CARD6: variants seen among roughly 807,000 people sequenced by gnomAD.
CARD6 encodes the protein caspase recruitment domain-containing protein 6.
In CARD6, 27 loss-of-function variants were observed where a neutral mutation model predicts 23.6. That is an observed-to-expected ratio of 1.14 (90% CI 0.84 to 1.58). CARD6 has a LOEUF of 1.58. Ranked by LOEUF, CARD6 falls within the 40% of genes most tolerant of loss-of-function variation. The probability of loss-of-function intolerance (pLI) is 0.00; values close to 1 mark genes in which losing one functional copy is unlikely to be tolerated. For synonymous variants in CARD6, 397 were observed against 431.8 expected, an observed-to-expected ratio of 0.92 and a Z score of 1.00; for missense variants, 1,214 against 1,209.9, an observed-to-expected ratio of 1.00 and a Z score of -0.05.
chr5:40,850,604 C>T lies in CARD6; in HGVS notation c.842-1570C>T, dbSNP rs574738463. Reference sequence around the variant, plus strand: ...GGGTGTGACGGCGGGCGCCTGTAGTCCCAGCTACTCGGGAGGGTGAGACAG... The same window carrying T: ...GGGTGTGACGGCGGGCGCCTGTAGTTCCAGCTACTCGGGAGGGTGAGACAG... On this transcript the variant is annotated intron_variant, in intron 2 of 2. Transcript: ENST00000254691. Among the ~76,000 whole-genome samples the T allele has an allele frequency of 4.8e-3, 721 of 148,758 alleles. 2 individuals are homozygous for T. Among genetic ancestry groups the T allele is most frequent in the Non-Finnish European group, 7.3e-3 (492 of 67,284 alleles).
intron 2 of CARD6, among the ~76,000 whole-genome samples, chr5:40,847,295 C>T (rs1745981809): frequency 6.6e-6 from 1 of 152,198 alleles, no homozygotes; most frequent in South Asian, 2.1e-4. Context: ...CTCAGAAAGG[C>T]TTAAACTATT....
Position 40,853,066 on chromosome 5 carries a change from A to G in CARD6, c.1734A>G (p.Arg578=), listed in dbSNP as rs1746104783. The change falls in exon 3 of 3, where the codon AGA becomes AGG. Residue 578 remains arginine (R), a synonymous_variant. Coordinates refer to ENST00000254691, the MANE Select transcript of CARD6 (RefSeq NM_032587.4). ...TTTTAGGAGAGGCTGCCATTGAAAG[A>G]TGCTACTTTGTTCTCAGTTCCCAAG... ...LMFLGEAAIE[R]CYFVLSSQAR... is the part of the protein sequence containing the mutation. 6.2e-7 allele frequency: 1 copy of G among 1,614,118 alleles called. No individual in the cohort carries two copies. Among genetic ancestry groups the G allele is most frequent in the African/African-American group, 1.3e-5 (1 of 75,028 alleles).
rs1262455211 is a variant in CARD6, at chr5:40,853,000, C to CACTG, written c.1673_1676dup (p.Cys559Ter). The CACTG allele has an allele frequency of 1.9e-6, 3 of 1,613,948 alleles. No individual in the cohort carries two copies. Among genetic ancestry groups the CACTG allele is most frequent in the Non-Finnish European group, 1.7e-6 (2 of 1,179,914 alleles). Reference sequence around the variant, plus strand: ...AAGTTTCTTCAGCTGTGTTTTTTTTCACTGACTGTTTAGGTGAGAAGGAAT... The same window carrying CACTG: ...AAGTTTCTTCAGCTGTGTTTTTTTTCACTGACTGACTGTTTAGGTGAGAAGGAAT... On this transcript the variant is annotated frameshift_variant, in exon 3 of 3. Transcript: ENST00000254691. LOFTEE classifies it low-confidence loss of function (END_TRUNC).
chr5:40,844,160 T>C (rs890016137), intron 2 of CARD6, among the ~76,000 whole-genome samples: 1 of 152,212 alleles, frequency 6.6e-6, no homozygotes, highest in African/African-American at 2.4e-5. Context: ...TCCCAAAATA[T>C]TGTTACTTGG....
chr5:40,846,535 C>T (rs1745970865), intron 2 of CARD6, among the ~76,000 whole-genome samples: 2 of 152,082 alleles, frequency 1.3e-5, no homozygotes, highest in Admixed American at 1.3e-4. Context: ...TTCAGGAGGC[C>T]AGAAGCCTGA....
Position 40,843,367 on chromosome 5 carries a change from A to G in CARD6, c.499A>G (p.Lys167Glu). The change falls in exon 2 of 3, where the codon AAG becomes GAG. Residue 167 changes from lysine (K) to glutamate (E), a missense_variant. Transcript: ENST00000254691. ...ETALSARKNE[K>E]EYDTPEVTLS... ...AGCTTTGTCTGCCAGGAAGAATGAG[A>G]AGGAATATGACACACCAGAAGTCAC... is the stretch of plus-strand genomic sequence containing the variant. The G allele has an allele frequency of 6.2e-7, 1 of 1,614,132 alleles. No individual in the cohort carries two copies. Among genetic ancestry groups the G allele is most frequent in the Non-Finnish European group, 8.5e-7 (1 of 1,179,986 alleles).
At position 40,854,596 on chromosome 5, in the gene CARD6, G is replaced by A. The variant is rs1746157763; in HGVS notation, c.*150G>A. On this transcript the variant is annotated 3_prime_UTR_variant, in exon 3 of 3. Transcript: ENST00000254691. ...ATACATGACTGAATTGGATATCTTT[G>A]TTTGTTTGTTTGAGACAGAGTTTCA... The A allele has an allele frequency of 1.5e-6, 1 of 677,004 alleles. No individual in the cohort carries two copies. The highest frequency in any genetic ancestry group is 2.0e-5 in the South Asian group (1 of 50,430). 41.9% of individuals were successfully genotyped at this position (677,004 alleles called of 1,614,324 possible). A position where few individuals can be genotyped will look rare whatever the true frequency, so the allele number is the denominator to read the frequency against.
chr5:40,843,376 G>T lies in CARD6; in HGVS notation c.508G>T (p.Asp170Tyr). 1.2e-6 allele frequency: 2 copies of T among 1,614,086 alleles called. No individual in the cohort carries two copies. Among genetic ancestry groups the T allele is most frequent in the South Asian group, 2.2e-5 (2 of 91,064 alleles). Residue 170 changes from aspartate (D) to tyrosine (Y), a missense_variant, in exon 2 of 3, where the codon GAC (aspartate) becomes TAC (tyrosine). Asp to Tyr is a radical substitution (Grantham distance 160). Coordinates refer to ENST00000254691, the MANE Select transcript of CARD6 (RefSeq NM_032587.4). ...TGCCAGGAAGAATGAGAAGGAATAT[G>T]ACACACCAGAAGTCACATTATCATA... ...LSARKNEKEYDTPEVTLSYSV... is the reference protein window; with the variant it reads ...LSARKNEKEYYTPEVTLSYSV...
At chr5:40,848,501 C>T (rs1579803071) in intron 2 of CARD6, among the ~76,000 whole-genome samples, 1 of 152,180 alleles carries the variant, frequency 6.6e-6, no homozygotes, top group Non-Finnish European at 1.5e-5. Flanking sequence ...CAGGCATGAG[C>T]CACCATGCCT....
rs148299329 is a variant in CARD6, at chr5:40,843,451, A to G, written c.583A>G (p.Lys195Glu). The G allele has an allele frequency of 2.2e-5, 35 of 1,613,672 alleles. No individual in the cohort carries two copies. The highest frequency in any genetic ancestry group is 1.7e-6 in the Non-Finnish European group (2 of 1,179,942). ...AGTTCCAGCAACTATTACATATATA[A>G]AAGATGGACAGAGATATGAGGAGCT... ...CEVPATITYIKDGQRYEELDD... is the reference protein window; with the variant it reads ...CEVPATITYIEDGQRYEELDD... Residue 195 changes from lysine (K) to glutamate (E), a missense_variant, in exon 2 of 3, where the codon AAA (lysine) becomes GAA (glutamate). By Grantham distance (56) the Lys-to-Glu change is moderately conservative (BLOSUM62 1). Transcript: ENST00000254691.
At position 40,854,138 on chromosome 5, in the gene CARD6, A is replaced by T; in HGVS notation, c.2806A>T (p.Met936Leu). 6.2e-7 allele frequency: 1 copy of T among 1,614,202 alleles called. No individual in the cohort carries two copies. The highest frequency in any genetic ancestry group is 8.5e-7 in the Non-Finnish European group (1 of 1,180,032). The change falls in exon 3 of 3, where the codon ATG (methionine) becomes TTG (leucine). Residue 936 changes from methionine to leucine, a missense_variant. Coordinates refer to ENST00000254691, the MANE Select transcript of CARD6 (RefSeq NM_032587.4). Reference sequence around the variant, plus strand: ...AGCTCTCCAAATAGGGTCCCATCCCATGTGCAAGAGCTCTCAGTTCAAATC... The same window carrying T: ...AGCTCTCCAAATAGGGTCCCATCCCTTGTGCAAGAGCTCTCAGTTCAAATC... ...NPALQIGSHP[M>L]CKSSQFKSDQ...
Position 40,853,644 on chromosome 5 carries a change from T to G in CARD6, c.2312T>G (p.Phe771Cys), listed in dbSNP as rs1325945059. 5 of 1,614,136 alleles carry G rather than the reference T, an allele frequency of 3.1e-6. No individual in the cohort carries two copies. Among genetic ancestry groups the G allele is most frequent in the Non-Finnish European group, 4.2e-6 (5 of 1,180,050 alleles). ...QRPKWFHPLPFQNAGAQGRGK... is the reference protein window; with the variant it reads ...QRPKWFHPLPCQNAGAQGRGK... The stretch of plus-strand genomic sequence containing the variant: ...CCTAAGTGGTTCCATCCTTTGCCTT[T>G]TCAGAATGCAGGGGCCCAGGGCCGA... Residue 771 changes from phenylalanine (F) to cysteine (C), a missense_variant, in exon 3 of 3, where the codon TTT becomes TGT. Physicochemically the swap from Phe to Cys is radical, Grantham distance 205 (BLOSUM62 -2). Coordinates refer to ENST00000254691, the MANE Select transcript of CARD6 (RefSeq NM_032587.4).
rs1342074722 is a variant in CARD6, at chr5:40,855,157, T to C, written c.*711T>C. ...CTGAGAAAGTATCTTAGTTGTTGGC[T>C]GCTCCAGAGGTATCTTTGTCAAAAG... is the stretch of plus-strand genomic sequence containing the variant. On this transcript the variant is annotated 3_prime_UTR_variant, in exon 3 of 3. Transcript: ENST00000254691. 3.9e-5 allele frequency: 6 copies of C among 152,472 alleles called. No homozygotes were observed. Among genetic ancestry groups the C allele is most frequent in the Middle Eastern group, 6.8e-3 (2 of 296 alleles). 9.4% of individuals were successfully genotyped at this position (152,472 alleles called of 1,614,324 possible).
chr5:40,850,743 A>C (rs937673289), intron 2 of CARD6, among the ~76,000 whole-genome samples: 3 of 150,936 alleles, frequency 2.0e-5, no homozygotes, highest in East Asian at 1.9e-4. Flanking sequence ...AAAAAAAAAA[A>C]AAACCAGTAT....
intron 2 of CARD6, among the ~76,000 whole-genome samples, 154 bp downstream of exon 2, chr5:40,843,863 C>T (rs1177415262): frequency 6.6e-6 from 1 of 152,158 alleles, no homozygotes; most frequent in Non-Finnish European, 1.5e-5. Context: ...CTGGAATCTC[C>T]TCGAGGTAGG....
intron 1 of CARD6, among the ~76,000 whole-genome samples, chr5:40,842,455 C>T (rs1745878109): frequency 6.6e-6 from 1 of 152,112 alleles, no homozygotes; most frequent in African/African-American, 2.4e-5. Flanking sequence ...CAAATAGAGC[C>T]ATTTGCTTAC....
In CARD6 at chr5:40,841,445, C is replaced by T; in HGVS notation, c.63C>T (p.Ile21=). The change falls in exon 1 of 3, where the codon ATC becomes ATT. Residue 21 remains isoleucine (I), a synonymous_variant. Coordinates refer to ENST00000254691, the MANE Select transcript of CARD6 (RefSeq NM_032587.4). The part of the protein sequence containing the change: ...IERERKKLLE[I]LQHDPDSILD... ...GAGAAAGAAAAAAGTTGCTTGAAAT[C>T]CTTCAACATGATCCTGATTCTATCT... 1 of 1,613,248 alleles carries T rather than the reference C, an allele frequency of 6.2e-7. No individual in the cohort carries two copies. Among genetic ancestry groups the T allele is most frequent in the East Asian group, 2.2e-5 (1 of 44,832 alleles).
chr5:40,844,252 T>C (rs77805143), intron 2 of CARD6, among the ~76,000 whole-genome samples: 1 of 152,110 alleles, frequency 6.6e-6, no homozygotes, highest in African/African-American at 2.4e-5. Flanking sequence ...TTAAAAAAAA[T>C]TTGTTTTTAA....
chr5:40,849,559 CTGT>C (rs79691308), intron 2 of CARD6, among the ~76,000 whole-genome samples: 27,188 of 152,070 alleles, frequency 0.18, 2,752 homozygotes, highest in East Asian at 0.32. Flanking sequence ...TCTCTTATTT[CTGT>C]TGTTTCTTCA....
Sources: allele counts gnomAD v4.1 joint callset (sites outside exome capture counted in the v4.1 genomes callset), GRCh38; gene constraint gnomAD v4.1.1; transcripts MANE v1.5; gene names NCBI Gene and HGNC (gene_info 2026-07-23, HGNC 2026-07-21).